STARD13: variants seen among roughly 807,000 people sequenced by gnomAD.
STARD13 encodes the protein stAR-related lipid transfer protein 13.
A neutral mutation model predicts 106.4 loss-of-function variants in STARD13; 62 were observed. The observed-to-expected ratio is 0.58, with a 90% CI of 0.48 to 0.72. STARD13 has a LOEUF of 0.72. STARD13 is among the 30% of genes least tolerant of loss of function. STARD13 has a pLI of 0.00. For synonymous variants in STARD13, 565 were observed against 553.0 expected, an observed-to-expected ratio of 1.02 and a Z score of -0.31; for missense variants, 1,387 against 1,424.0, an observed-to-expected ratio of 0.97 and a Z score of 0.42.
chr13:33,555,359 A>G, the STARD13 span, among the ~76,000 whole-genome samples: 1 of 152,254 alleles, frequency 6.6e-6, no homozygotes, highest in South Asian at 2.1e-4. Flanking sequence ...GTCAGAGGCC[A>G]GACCAGCAGA....
At chr13:33,205,977 T>C (rs564811179) in intron 1 of STARD13, 1 of 985,414 alleles carries the variant, frequency 1.0e-6, no homozygotes, top group South Asian at 4.7e-5. Flanking sequence ...CCAGCTAATA[T>C]TTCCTCTGTG....
chr13:33,632,004 C>T, the STARD13 span, among the ~76,000 whole-genome samples: 11 of 152,100 alleles, frequency 7.2e-5, no homozygotes, highest in East Asian at 1.9e-4. Flanking sequence ...AATTCCTGAT[C>T]GTAGTGTTGT....
chr13:33,367,955 T>C, the STARD13 span, among the ~76,000 whole-genome samples: 2 of 152,128 alleles, frequency 1.3e-5, no homozygotes, highest in Non-Finnish European at 2.9e-5. Flanking sequence ...TATGTGGCCA[T>C]TTGGAAAAAG....
chr13:33,289,315 G>C (rs770838429), upstream of STARD13, among the ~76,000 whole-genome samples: 2 of 152,190 alleles, frequency 1.3e-5, no homozygotes, highest in Non-Finnish European at 2.9e-5. Context: ...GAGAACCAAA[G>C]ACAGCAAAAG....
exon 2 of STARD13, chr13:33,349,170 T>C (rs928037840): frequency 1.3e-5 from 9 of 702,252 alleles, no homozygotes; most frequent in Non-Finnish European, 2.3e-5. Flanking sequence ...TCTCTAGAAC[T>C]TTCTTCTGCC....
the STARD13 span, among the ~76,000 whole-genome samples, chr13:33,388,134 G>A: frequency 1.3e-5 from 2 of 152,180 alleles, no homozygotes; most frequent in Admixed American, 6.5e-5. Flanking sequence ...AACCACCAGA[G>A]GCGTTAAAAT....
At chr13:33,147,445 A>G (rs1485641327) in intron 3 of STARD13, among the ~76,000 whole-genome samples, 1 of 152,242 alleles carries the variant, frequency 6.6e-6, no homozygotes, top group Admixed American at 6.5e-5. Context: ...AGAGCCGCTC[A>G]GCAAAGACTG....
At chr13:33,349,404 C>T (rs1360326472) in intron 1 of STARD13, among the ~76,000 whole-genome samples, 2 of 152,156 alleles carry the variant, frequency 1.3e-5, no homozygotes, top group African/African-American at 4.8e-5. Flanking sequence ...CTTATTGGGG[C>T]AGGCATGAGG....
intron 8 of STARD13, chr13:33,113,489 C>T (rs958577244): frequency 4.0e-6 from 2 of 498,608 alleles, no homozygotes; most frequent in African/African-American, 3.9e-5. Flanking sequence ...GCTGGTGGGA[C>T]CTCTGACCTC....
chr13:33,345,855 A>G (rs2078011649), downstream of STARD13, among the ~76,000 whole-genome samples: 1 of 152,176 alleles, frequency 6.6e-6, no homozygotes, highest in East Asian at 1.9e-4. Flanking sequence ...TCAAGCAGAA[A>G]AAAAAAGGTC....
At chr13:33,350,499 G>A (rs1380623394) in exon 1 of STARD13, 2 of 1,465,882 alleles carry the variant, frequency 1.4e-6, no homozygotes, top group East Asian at 5.5e-5. Context: ...GACTGGAAAG[G>A]ACGGACGCGG....
chr13:33,238,496 T>C (rs1889307823), intron 1 of STARD13, among the ~76,000 whole-genome samples: 1 of 152,162 alleles, frequency 6.6e-6, no homozygotes, highest in South Asian at 2.1e-4. Flanking sequence ...GTAGATCATC[T>C]ATTTTATATG....
At chr13:33,309,636 AC>A (rs1893056361) in intron 1 of STARD13, among the ~76,000 whole-genome samples, 1 of 152,184 alleles carries the variant, frequency 6.6e-6, no homozygotes, top group African/African-American at 2.4e-5. Context: ...CCTATAAAGC[AC>A]TGGTAATCTG....
chr13:33,559,986 G>T, the STARD13 span, among the ~76,000 whole-genome samples: 1 of 151,552 alleles, frequency 6.6e-6, no homozygotes, highest in East Asian at 1.9e-4. Context: ...GGACTTCCCA[G>T]CCTCTGGAAC....
chr13:33,545,923 C>T, the STARD13 span, among the ~76,000 whole-genome samples: 15 of 152,178 alleles, frequency 9.9e-5, no homozygotes, highest in Non-Finnish European at 2.1e-4. Flanking sequence ...TCATAAATTA[C>T]CCAGCCTCAG....
intron 1 of STARD13, among the ~76,000 whole-genome samples, chr13:33,265,021 G>T (rs55738907): frequency 0.15 from 22,165 of 152,158 alleles, 1,860 homozygotes; most frequent in Non-Finnish European, 0.19. Flanking sequence ...GTGCTAATGA[G>T]CACAGAGATC....
At chr13:33,406,150 A>G in the STARD13 span, among the ~76,000 whole-genome samples, 1 of 152,226 alleles carries the variant, frequency 6.6e-6, no homozygotes. Flanking sequence ...CCCATACTCT[A>G]AGCTACTCCT....
the STARD13 span, among the ~76,000 whole-genome samples, chr13:33,420,781 G>C: frequency 6.6e-6 from 1 of 152,160 alleles, no homozygotes; most frequent in Non-Finnish European, 1.5e-5. Flanking sequence ...AATTAAATTA[G>C]AACTCAGGAT....
chr13:33,519,205 A>AT, the STARD13 span, among the ~76,000 whole-genome samples: 1 of 86,832 alleles, frequency 1.2e-5, no homozygotes, highest in Non-Finnish European at 2.6e-5. Context: ...CCTCTTGGTA[A>AT]TTTTTTCTTT....
Sources: allele counts gnomAD v4.1 joint callset (sites outside exome capture counted in the v4.1 genomes callset), GRCh38; gene constraint gnomAD v4.1.1; transcripts MANE v1.5; gene names NCBI Gene and HGNC (gene_info 2026-07-23, HGNC 2026-07-21).